The following SCAMP3 variants were observed in gnomAD, a reference collection of about 807,000 sequenced individuals.
SCAMP3 encodes secretory carrier-associated membrane protein 3.
SCAMP3 carries 30 observed loss-of-function variants against 44.1 expected under a neutral mutation model. The ratio of observed to expected loss-of-function variants is 0.68; its 90% CI spans 0.51 to 0.92. SCAMP3 has a LOEUF of 0.92. Ranked by LOEUF, SCAMP3 falls within the 40% of genes least tolerant of loss-of-function variation. SCAMP3 has a pLI of 0.00. For synonymous variants in SCAMP3, 168 were observed against 171.1 expected (o/e 0.98, Z 0.14); for missense variants, 394 against 440.0 (o/e 0.90, Z 0.93).
Position 155,257,527 on chromosome 1 carries a change from G to C in SCAMP3, c.648C>G (p.Cys216Trp). ...VLLFTPCSFV[C>W]WYRPMYKAFR... is the part of the protein sequence containing the mutation. Reference sequence around the variant, plus strand: ...AAGCCTTATACATGGGGCGGTACCAGCAGACAAAGGAGCAGGGAGTGAAAA... The same window carrying C: ...AAGCCTTATACATGGGGCGGTACCACCAGACAAAGGAGCAGGGAGTGAAAA... Residue 216 changes from cysteine to tryptophan, a missense_variant, in exon 6 of 9, where the codon TGC becomes TGG. Transcript: ENST00000302631. 6.2e-7 allele frequency: 1 copy of C among 1,612,884 alleles called. No homozygotes were observed. Among genetic ancestry groups the C allele is most frequent in the Non-Finnish European group, 8.5e-7 (1 of 1,179,414 alleles).
Position 155,260,455 on chromosome 1 carries a change from C to T in SCAMP3, c.268-5G>A. On this transcript the variant is annotated splice_region_variant and splice_polypyrimidine_tract_variant and intron_variant, in intron 3 of 8. Transcript: ENST00000302631. ...TGTGGCTGCTGCAGCTGAGGCCTGC[C>T]CAGTGTGAGCAGACGGAGATGTGAG... 1 of 1,614,150 alleles carries T rather than the reference C, an allele frequency of 6.2e-7. No individual in the cohort carries two copies. Among genetic ancestry groups the T allele is most frequent in the Non-Finnish European group, 8.5e-7 (1 of 1,180,040 alleles).
rs144432135 is a variant in SCAMP3, at chr1:155,259,422, G to A, written c.389-468C>T. On this transcript the variant is annotated intron_variant, in intron 4 of 8. Coordinates refer to ENST00000302631, the MANE Select transcript of SCAMP3 (RefSeq NM_005698.4). ...TGACCTCAGGTGATCCACCCGCCTT[G>A]GCCTCCCAGAGTGCTGGGATTACAG... 4.7e-3 allele frequency among the ~76,000 whole-genome samples: 715 copies of A among 152,190 alleles called. 3 individuals are homozygous for A. Among genetic ancestry groups the A allele is most frequent in the African/African-American group, 0.017 (689 of 41,498 alleles).
In SCAMP3 at chr1:155,258,848, G is replaced by C. The variant is rs766501045; in HGVS notation, c.495C>G (p.Ser165=). ...CACACATCCAGAGGTAGTACATGGT[G>C]GATACAGTCTTCTGAAATTCTTGGG... ...EIPQEFQKTV[S]TMYYLWMCST... Residue 165 remains serine, a synonymous_variant, in exon 5 of 9, where the codon TCC becomes TCG. Coordinates refer to ENST00000302631, the MANE Select transcript of SCAMP3 (RefSeq NM_005698.4). 4.3e-6 allele frequency: 7 copies of C among 1,612,334 alleles called. No individual in the cohort carries two copies. Among genetic ancestry groups the C allele is most frequent in the Non-Finnish European group, 5.9e-6 (7 of 1,179,320 alleles).
chr1:155,260,293 C>G lies in SCAMP3; in HGVS notation c.388+37G>C, dbSNP rs754339714. ...CCTTAAGACCTGTTTTTGCTCCTCC[C>G]AAACTCTCAGATGCTCTTCCCCACT... is the stretch of plus-strand genomic sequence containing the variant. On this transcript the variant is annotated intron_variant, in intron 4 of 8. Transcript: ENST00000302631. 3.1e-6 allele frequency: 5 copies of G among 1,604,022 alleles called. No individual in the cohort carries two copies. In the African/African-American group the frequency reaches 6.7e-5, roughly 21 times the overall value.
rs763342145 is a variant in SCAMP3 at position 155,256,711 on chromosome 1, G to A, written c.860C>T (p.Thr287Ile). Residue 287 changes from threonine (T) to isoleucine (I), a missense_variant, in exon 8 of 9, where the codon ACT (threonine) becomes ATT (isoleucine). Transcript: ENST00000302631. ...GACAATTCCTAGCACAGCAATGCCAGTGAAGAGCAGGGCGACCAGCAGCAT... is the reference window on the plus strand; with the variant it reads ...GACAATTCCTAGCACAGCAATGCCAATGAAGAGCAGGGCGACCAGCAGCAT... The part of the protein sequence containing the change: ...VLMLLVALLF[T>I]GIAVLGIVML... 1 of 1,614,212 alleles carries A rather than the reference G, an allele frequency of 6.2e-7. No individual in the cohort carries two copies. The highest frequency in any genetic ancestry group is 8.5e-7 in the Non-Finnish European group (1 of 1,180,024).
chr1:155,259,046 CTT>C (rs34682738), intron 4 of SCAMP3, 92 bp from the exon 5 acceptor site: 46,697 of 476,506 alleles, frequency 0.098, no homozygotes, highest in East Asian at 0.17. Context: ...TGGATCCTCT[CTT>C]TTTTTTTTTT....
At chr1:155,258,318 C>CTTTTTTTTTTTTT (rs71996352) in intron 5 of SCAMP3, among the ~76,000 whole-genome samples, 2 of 86,592 alleles carry the variant, frequency 2.3e-5, no homozygotes, top group African/African-American at 3.6e-5. Context: ...CGTGCCCGGC[C>CTTTTTTTTTTTTT]TTTTTTTTTT....
chr1:155,256,566 G>T, intron 8 of SCAMP3, 108 bp downstream of exon 8: 1 of 1,366,010 alleles, frequency 7.3e-7, no homozygotes, highest in South Asian at 1.2e-5. Context: ...CATTAGCTGA[G>T]AACAACCCAG....
rs757140167 is a variant in SCAMP3 at position 155,262,078 on chromosome 1, C to CA, written c.66+7dup. The CA allele has an allele frequency of 3.7e-6, 6 of 1,613,686 alleles. No individual in the cohort carries two copies. The highest frequency in any genetic ancestry group is 5.1e-6 in the Non-Finnish European group (6 of 1,179,720). ...ACCGCCCAAAAGAGGCCGACTGGCGCAAGTCACCTGAAAGGGGTTGTCAAG... is the reference window on the plus strand; with the variant it reads ...ACCGCCCAAAAGAGGCCGACTGGCGCAAAGTCACCTGAAAGGGGTTGTCAAG... On this transcript the variant is annotated splice_region_variant and intron_variant, in intron 1 of 8. Coordinates refer to ENST00000302631, the MANE Select transcript of SCAMP3 (RefSeq NM_005698.4).
At chr1:155,260,761 C>T (rs1646124071) in intron 2 of SCAMP3, 102 bp from the exon 3 acceptor site, 3 of 1,037,698 alleles carry the variant, frequency 2.9e-6, no homozygotes, top group South Asian at 3.2e-5. Flanking sequence ...TGTAAGGAAG[C>T]AGCCTTTCCC....
chr1:155,258,675 G>T, intron 5 of SCAMP3, 151 bp downstream of exon 5: 1 of 702,214 alleles, frequency 1.4e-6, no homozygotes, highest in Non-Finnish European at 2.4e-6. Context: ...TCCTGCATAT[G>T]GACAATAAAA....
chr1:155,256,467 C>G (rs879077523), intron 8 of SCAMP3, 48 bp from the exon 9 acceptor site: 1 of 1,551,094 alleles, frequency 6.4e-7, no homozygotes, highest in Non-Finnish European at 8.8e-7. Flanking sequence ...GCCACTGGTT[C>G]CCCACCCCAG....
intron 2 of SCAMP3, 45 bp downstream of exon 2, chr1:155,261,612 C>T (rs1380207192): frequency 5.1e-6 from 8 of 1,568,298 alleles, no homozygotes. Flanking sequence ...GTCTCACTGG[C>T]AAACCCTTCC....
Position 155,257,390 on chromosome 1 carries a change from C to CA in SCAMP3, c.678-5dup. Reference sequence around the variant, plus strand: ...GAAATTGAATGAACTGTCACTCCTACAAAGAGGAAAAAAATGGGGAGGGTG... The same window carrying CA: ...GAAATTGAATGAACTGTCACTCCTACAAAAGAGGAAAAAAATGGGGAGGGTG... On this transcript the variant is annotated splice_polypyrimidine_tract_variant and splice_region_variant and intron_variant, in intron 6 of 8. Transcript: ENST00000302631. 6.2e-7 allele frequency: 1 copy of CA among 1,612,134 alleles called. No homozygotes were observed. Among genetic ancestry groups the CA allele is most frequent in the Non-Finnish European group, 8.5e-7 (1 of 1,178,924 alleles).
Position 155,260,337 on chromosome 1 carries a change from GC to G in SCAMP3, c.380del (p.Gly127AlafsTer54). 2.5e-6 allele frequency: 4 copies of G among 1,611,630 alleles called. No individual in the cohort carries two copies. The highest frequency in any genetic ancestry group is 1.7e-5 in the Admixed American group (1 of 60,018). ...ERELQHAALG[G>X]TATRQNNWPP... ...CCCCACTCTATTACTTACTAGCTGT[GC>G]CCCCCAGGGCAGCATGCTGCAGCTC... On this transcript the variant is annotated frameshift_variant, in exon 4 of 9. Coordinates refer to ENST00000302631, the MANE Select transcript of SCAMP3 (RefSeq NM_005698.4). LOFTEE classifies it high-confidence loss of function.
Position 155,257,296 on chromosome 1 carries a change from A to G in SCAMP3, c.768T>C (p.Gly256=), listed in dbSNP as rs766159608. ...LFVLQAIGIP[G]WGFSGWISAL... ...ACAGCCTCACAAACCTGAATCCCCA[A>G]CCTGGGATACCAATGGCCTGGAGGA... The change falls in exon 7 of 9, where the codon GGT becomes GGC. Residue 256 remains glycine, a synonymous_variant. Transcript: ENST00000302631. 3 of 1,611,700 alleles carry G rather than the reference A, an allele frequency of 1.9e-6. No individual in the cohort carries two copies. Among genetic ancestry groups the G allele is most frequent in the African/African-American group, 1.3e-5 (1 of 75,010 alleles).
At chr1:155,260,760 G>A (rs573256807) in intron 2 of SCAMP3, 101 bp from the exon 3 acceptor site, 8 of 1,068,558 alleles carry the variant, frequency 7.5e-6, no homozygotes, top group Non-Finnish European at 1.1e-5. Flanking sequence ...ATGTAAGGAA[G>A]CAGCCTTTCC....
In SCAMP3 at chr1:155,256,220, G is replaced by A. The variant is rs1672785482; in HGVS notation, c.*53C>T. ...TCCAAGTCCCAGAGACCTTAGGGAC[G>A]GGAGCTAAGTCAGCTCCCTCAAGTA... On this transcript the variant is annotated 3_prime_UTR_variant, in exon 9 of 9. Coordinates refer to ENST00000302631, the MANE Select transcript of SCAMP3 (RefSeq NM_005698.4). The A allele has an allele frequency of 6.7e-7, 1 of 1,501,140 alleles. No homozygotes were observed. The highest frequency in any genetic ancestry group is 8.9e-7 in the Non-Finnish European group (1 of 1,120,528). The allele number at this position is 1,501,140 out of a possible 1,614,324, so 93.0% of individuals were successfully genotyped here. A position where few individuals can be genotyped will look rare whatever the true frequency, so the allele number is the denominator to read the frequency against.
chr1:155,261,937 AGT>A (rs1470770688), intron 1 of SCAMP3, 147 bp downstream of exon 1: 16 of 838,388 alleles, frequency 1.9e-5, no homozygotes, highest in Non-Finnish European at 3.1e-5. Context: ...CGCCCCCCAG[AGT>A]GCTCACTGGT....
Sources: allele counts gnomAD v4.1 joint callset (sites outside exome capture counted in the v4.1 genomes callset), GRCh38; gene constraint gnomAD v4.1.1; transcripts MANE v1.5; gene names NCBI Gene and HGNC (gene_info 2026-07-23, HGNC 2026-07-21).